The following SLC19A3 variants were observed in gnomAD, a reference collection of about 807,000 sequenced individuals.
The protein encoded by SLC19A3 is thiamine transporter 2.
Under a neutral mutation model 40.2 loss-of-function variants are expected in SLC19A3, and 31 were observed. The observed-to-expected ratio is 0.77, with a 90% CI of 0.58 to 1.04. The LOEUF is 1.04. Ranked by LOEUF, SLC19A3 falls within the 50% of genes least tolerant of loss-of-function variation. SLC19A3 has a pLI of 0.00. For missense variants in SLC19A3, 592 were observed against 596.7 expected, an observed-to-expected ratio of 0.99 and a Z score of 0.08; for synonymous variants, 212 against 227.5, an observed-to-expected ratio of 0.93 and a Z score of 0.61.
At chr2:227,690,772 A>G (rs554460718) in intron 4 of SLC19A3, among the ~76,000 whole-genome samples, 38 of 151,586 alleles carry the variant, frequency 2.5e-4, no homozygotes, top group Non-Finnish European at 5.4e-4. Flanking sequence ...CCCATATATA[A>G]AGCAAGTATT....
chr2:227,702,436 C>T, intron 1 of SLC19A3, 116 bp from the exon 2 acceptor site: 1 of 1,040,260 alleles, frequency 9.6e-7, no homozygotes, highest in South Asian at 1.4e-5. Flanking sequence ...CTCTGTTGTC[C>T]AGGCTGAAGT....
At chr2:227,714,853 C>G (rs62191385) in intron 1 of SLC19A3, among the ~76,000 whole-genome samples, 3 of 140,006 alleles carry the variant, frequency 2.1e-5, no homozygotes, top group Non-Finnish European at 4.6e-5. Flanking sequence ...CTCTGTCACC[C>G]AGGCTGGAGT....
In SLC19A3 at chr2:227,698,873, C is replaced by A; in HGVS notation, c.842G>T (p.Trp281Leu). 2 of 1,614,120 alleles carry A rather than the reference C, an allele frequency of 1.2e-6. No individual in the cohort carries two copies. The highest frequency in any genetic ancestry group is 1.7e-6 in the Non-Finnish European group (2 of 1,180,008). Residue 281 changes from tryptophan (W) to leucine (L), a missense_variant, in exon 3 of 6, where the codon TGG (tryptophan) becomes TTG (leucine). By Grantham distance (61) the Trp-to-Leu change is moderately conservative (BLOSUM62 -2). Coordinates refer to ENST00000644224, the MANE Select transcript of SLC19A3 (RefSeq NM_025243.4). ...ECYSSKRLFY[W>L]SLWWAFATAG... ...TGTGGCGAAAGCCCACCATAGAGACCAGTAGAAAAGACGTTTTGAGGAGTA... is the reference window on the plus strand; with the variant it reads ...TGTGGCGAAAGCCCACCATAGAGACAAGTAGAAAAGACGTTTTGAGGAGTA...
chr2:227,695,659 C>T (rs577931357), intron 4 of SLC19A3: 25 of 546,560 alleles, frequency 4.6e-5, no homozygotes, highest in Non-Finnish European at 7.5e-5. Context: ...TGCTTTTGGT[C>T]TATAAACCTA....
At chr2:227,698,703 C>T in intron 3 of SLC19A3, 33 bp downstream of exon 3, 1 of 1,584,004 alleles carries the variant, frequency 6.3e-7, no homozygotes, top group Non-Finnish European at 8.7e-7. Flanking sequence ...GCGGGTAAAG[C>T]CAACAAAGGA....
intron 1 of SLC19A3, among the ~76,000 whole-genome samples, chr2:227,716,766 C>T (rs959790733): frequency 6.6e-6 from 1 of 152,050 alleles, no homozygotes; most frequent in South Asian, 2.1e-4. Flanking sequence ...AATGTGTATG[C>T]ATTTACCATT....
intron 2 of SLC19A3, among the ~76,000 whole-genome samples, chr2:227,699,947 C>G (rs111618899): frequency 0.079 from 11,981 of 151,854 alleles, 1,318 homozygotes; most frequent in African/African-American, 0.25. Flanking sequence ...GCCCGATCTT[C>G]GCTGACTGCA....
At chr2:227,706,092 T>C (rs1056284074) in intron 1 of SLC19A3, among the ~76,000 whole-genome samples, 10 of 151,978 alleles carry the variant, frequency 6.6e-5, no homozygotes, top group Non-Finnish European at 1.3e-4. Flanking sequence ...TATGAACACA[T>C]GTCCCTTATA....
intron 4 of SLC19A3, among the ~76,000 whole-genome samples, chr2:227,691,948 A>G (rs902569063): frequency 2.0e-5 from 3 of 152,188 alleles, no homozygotes; most frequent in African/African-American, 7.2e-5. Context: ...ATGAGCAAGT[A>G]TATGCCAATA....
chr2:227,689,900 CTTGT>C (rs1181845766), intron 4 of SLC19A3, among the ~76,000 whole-genome samples: 1 of 152,072 alleles, frequency 6.6e-6, no homozygotes. Flanking sequence ...TTTCTTTTTG[CTTGT>C]TTGTTTATGC....
Position 227,699,391 on chromosome 2 carries a change from A to G in SLC19A3, c.324T>C (p.Val108=). ...TGACCATCCCATAGAAGAACTCTAC[A>G]ACCTGCATGGTCTTCACTCCTTGGC... ...LFGQGVKTMQ[V]VEFFYGMVTA... Residue 108 remains valine (V), a synonymous_variant, in exon 3 of 6, where the codon GTT becomes GTC. Transcript: ENST00000644224. 6.2e-7 allele frequency: 1 copy of G among 1,614,128 alleles called. No homozygotes were observed. Among genetic ancestry groups the G allele is most frequent in the Non-Finnish European group, 8.5e-7 (1 of 1,180,034 alleles).
chr2:227,717,440 AG>A (rs1370157481), intron 1 of SLC19A3, among the ~76,000 whole-genome samples: 1 of 152,184 alleles, frequency 6.6e-6, no homozygotes, highest in African/African-American at 2.4e-5. Flanking sequence ...TTGATGACTT[AG>A]GTATCCTTTC....
chr2:227,687,330 C>T lies in SLC19A3; in HGVS notation c.*67G>A, dbSNP rs1405865561. On this transcript the variant is annotated 3_prime_UTR_variant, in exon 6 of 6. Coordinates refer to ENST00000644224, the MANE Select transcript of SLC19A3 (RefSeq NM_025243.4). ...CAAGTTATGGCAAAACATATGCCAC[C>T]CATCTCAAAATCTTTCCTTATTATT... 2.0e-6 allele frequency: 3 copies of T among 1,470,458 alleles called. No individual in the cohort carries two copies. Among genetic ancestry groups the T allele is most frequent in the Non-Finnish European group, 2.8e-6 (3 of 1,080,846 alleles). The allele number at this position is 1,470,458 out of a possible 1,614,324, so 91.1% of individuals were successfully genotyped here. A position where few individuals can be genotyped will look rare whatever the true frequency, so the allele number is the denominator to read the frequency against.
chr2:227,687,659 G>C, intron 5 of SLC19A3, 86 bp from the exon 6 acceptor site: 1 of 1,438,042 alleles, frequency 7.0e-7, no homozygotes, highest in Non-Finnish European at 9.6e-7. Context: ...GGTTTGCTTG[G>C]ATTATGGGGT....
chr2:227,697,803 C>A (rs964167930), intron 3 of SLC19A3, among the ~76,000 whole-genome samples: 1 of 152,238 alleles, frequency 6.6e-6, no homozygotes, highest in Admixed American at 6.5e-5. Flanking sequence ...TGTGGCTGGG[C>A]GTGGTGGCTC....
intron 4 of SLC19A3, among the ~76,000 whole-genome samples, chr2:227,693,721 G>A (rs572032475): frequency 3.3e-4 from 50 of 152,036 alleles, no homozygotes; most frequent in Non-Finnish European, 4.4e-4. Context: ...GGCAACCAAA[G>A]CAAAAATGGA....
At chr2:227,712,579 G>A (rs556330308) in intron 1 of SLC19A3, among the ~76,000 whole-genome samples, 109 of 152,280 alleles carry the variant, frequency 7.2e-4, no homozygotes, top group African/African-American at 2.5e-3. Context: ...TTGCTTGTTC[G>A]AATGTAAAAT....
Position 227,687,453 on chromosome 2 carries a change from G to C in SLC19A3, c.1435C>G (p.Pro479Ala), listed in dbSNP as rs778892693. ...TCTTCCTCTGGGTGAGACACATCTG[G>C]ATTCTCACTTGGAGCAGGGCTCTGT... ...DVQSPAPSEN[P>A]DVSHPEEESN... The change falls in exon 6 of 6, where the codon CCA becomes GCA. Residue 479 changes from proline to alanine, a missense_variant. Coordinates refer to ENST00000644224, the MANE Select transcript of SLC19A3 (RefSeq NM_025243.4). 1.2e-6 allele frequency: 2 copies of C among 1,614,098 alleles called. No individual in the cohort carries two copies. The highest frequency in any genetic ancestry group is 2.2e-5 in the South Asian group (2 of 91,080).
At chr2:227,690,018 A>C in intron 4 of SLC19A3, among the ~76,000 whole-genome samples, 1 of 152,226 alleles carries the variant, frequency 6.6e-6, no homozygotes, top group South Asian at 2.1e-4. Flanking sequence ...ATACCCAAAA[A>C]GTAAAAAAGA....
Sources: gnomAD v4.1 joint callset for allele counts (sites outside exome capture counted in the v4.1 genomes callset) on GRCh38, gnomAD v4.1.1 for gene constraint, MANE v1.5 for transcripts, NCBI Gene and HGNC (gene_info 2026-07-23, HGNC 2026-07-21) for gene names.